Variants in SLTM observed in about 807,000 individuals in gnomAD.
The protein encoded by SLTM is SAFB-like transcription modulator.
Under a neutral mutation model 134.6 loss-of-function variants are expected in SLTM, and 43 were observed. The observed-to-expected ratio is 0.32, with a 90% CI of 0.25 to 0.41. The LOEUF (loss-of-function observed/expected upper bound fraction) is 0.41. Among genes scored for constraint, SLTM ranks in the 10% least tolerant of loss-of-function variants. The pLI, the probability that SLTM is intolerant of heterozygous loss-of-function variation, is 1.00. For synonymous variants in SLTM, 424 were observed against 432.3 expected (o/e 0.98, Z 0.24); for missense variants, 1,055 against 1,288.8 (o/e 0.82, Z 2.78).
In SLTM at chr15:58,892,944, T is replaced by C. The variant is rs752033291; in HGVS notation, c.1851A>G (p.Glu617=). 2.5e-6 allele frequency: 4 copies of C among 1,613,792 alleles called. No individual in the cohort carries two copies. Among genetic ancestry groups the C allele is most frequent in the Non-Finnish European group, 3.4e-6 (4 of 1,179,912 alleles). The change falls in exon 14 of 21, where the codon GAA becomes GAG. Residue 617 remains glutamate, a synonymous_variant. Coordinates refer to ENST00000380516, the MANE Select transcript of SLTM (RefSeq NM_024755.4). The stretch of plus-strand genomic sequence containing the variant: ...GCAGCCTTTCAAAACGAACTAAATG[T>C]TCTCTCAACCTTTGTTCCTTCATCT... ...FEKMKEQRLR[E]HLVRFERLRR... is the part of the protein sequence containing the mutation.
chr15:58,922,241 G>A (rs1176168754), intron 2 of SLTM, among the ~76,000 whole-genome samples: 1 of 151,040 alleles, frequency 6.6e-6, no homozygotes, highest in Non-Finnish European at 1.5e-5. Flanking sequence ...GCCGGGTGTG[G>A]TGACTCATGG....
chr15:58,927,301 A>T (rs529646295), intron 2 of SLTM, among the ~76,000 whole-genome samples: 7 of 152,158 alleles, frequency 4.6e-5, no homozygotes, highest in African/African-American at 1.7e-4. Flanking sequence ...AAAGATGATG[A>T]TCTTGTTGCC....
At chr15:58,890,092 A>G in intron 15 of SLTM, 189 bp downstream of exon 15, 1 of 632,810 alleles carries the variant, frequency 1.6e-6, no homozygotes, top group Non-Finnish European at 2.7e-6. Flanking sequence ...AGTTATCTAG[A>G]ACAAAGTCAC....
intron 2 of SLTM, among the ~76,000 whole-genome samples, chr15:58,924,123 A>G (rs2037298567): frequency 6.6e-6 from 1 of 152,158 alleles, no homozygotes; most frequent in South Asian, 2.1e-4. Flanking sequence ...CCTGAAGCCA[A>G]ACTTTTACGC....
chr15:58,924,873 G>GT (rs1445959449), intron 2 of SLTM, among the ~76,000 whole-genome samples: 1 of 152,132 alleles, frequency 6.6e-6, no homozygotes, highest in Non-Finnish European at 1.5e-5. Flanking sequence ...CCAGGGTGGA[G>GT]TGCAGGGGCA....
chr15:58,910,945 C>T (rs2036228334), intron 5 of SLTM, among the ~76,000 whole-genome samples: 1 of 151,868 alleles, frequency 6.6e-6, no homozygotes, highest in South Asian at 2.1e-4. Context: ...CAGGTTTCAC[C>T]ATATTGGCCA....
At chr15:58,912,661 G>T in intron 4 of SLTM, 51 bp from the exon 5 acceptor site, 1 of 1,452,468 alleles carries the variant, frequency 6.9e-7, no homozygotes, top group Non-Finnish European at 9.5e-7. Flanking sequence ...TCGGGGTAAC[G>T]TGAGAATGCT....
intron 1 of SLTM, 133 bp downstream of exon 1, chr15:58,933,271 C>T (rs2038019705): frequency 7.3e-6 from 7 of 960,196 alleles, no homozygotes; most frequent in Non-Finnish European, 9.9e-6. Flanking sequence ...CGGGAGCCGC[C>T]CCTGGCCTCC....
At chr15:58,929,093 T>G (rs2037682671) in intron 2 of SLTM, among the ~76,000 whole-genome samples, 1 of 152,134 alleles carries the variant, frequency 6.6e-6, no homozygotes. Context: ...CAAGATGAAA[T>G]TATTTTCAAT....
At position 58,879,814 on chromosome 15, in the gene SLTM, A is replaced by T; in HGVS notation, c.*185T>A. The T allele has an allele frequency of 2.9e-6, 2 of 689,498 alleles. No homozygotes were observed. Among genetic ancestry groups the T allele is most frequent in the Non-Finnish European group, 4.4e-6 (2 of 453,840 alleles). The allele number at this position is 689,498 out of a possible 1,614,324, so 42.7% of individuals were successfully genotyped here. A position where few individuals can be genotyped will look rare whatever the true frequency, so the allele number is the denominator to read the frequency against. On this transcript the variant is annotated 3_prime_UTR_variant, in exon 21 of 21. Transcript: ENST00000380516. ...AAGTTGAATGATACACAAAACTATT[A>T]AAAGTTACAACAGAACTATTTAAAC...
intron 19 of SLTM, among the ~76,000 whole-genome samples, chr15:58,886,203 C>A (rs865940600): frequency 2.1e-5 from 3 of 142,846 alleles, no homozygotes; most frequent in Non-Finnish European, 1.5e-5. Flanking sequence ...TTAAATGAAG[C>A]AGGAGAAAAA....
At chr15:58,895,938 T>G (rs1293906504) in intron 9 of SLTM, among the ~76,000 whole-genome samples, 5 of 152,198 alleles carry the variant, frequency 3.3e-5, no homozygotes, top group East Asian at 1.9e-4. Flanking sequence ...TTCAGTAATT[T>G]CAATATCTGA....
chr15:58,930,712 A>AAT (rs61356816), intron 2 of SLTM, among the ~76,000 whole-genome samples: 38 of 147,274 alleles, frequency 2.6e-4, no homozygotes, highest in East Asian at 1.0e-3. Context: ...CCTATTAAAA[A>AAT]ATATATATAT....
At chr15:58,883,600 G>A in intron 20 of SLTM, 26 bp downstream of exon 20, 2 of 1,612,772 alleles carry the variant, frequency 1.2e-6, no homozygotes, top group African/African-American at 1.3e-5. Flanking sequence ...GTTGTGTGCT[G>A]GCAGAAAAAC....
At chr15:58,890,073 A>C (rs1161604077) in intron 15 of SLTM, 1 of 594,034 alleles carries the variant, frequency 1.7e-6, no homozygotes, top group Non-Finnish European at 2.9e-6. Context: ...CAGAGCTAGA[A>C]TTATTACCAG....
At chr15:58,915,047 C>T (rs1189093983) in intron 3 of SLTM, among the ~76,000 whole-genome samples, 2 of 152,024 alleles carry the variant, frequency 1.3e-5, no homozygotes, top group Non-Finnish European at 2.9e-5. Flanking sequence ...GAAAATTAGC[C>T]GGGCCTGGTG....
chr15:58,899,675 G>A lies in SLTM; in HGVS notation c.852C>T (p.Asp284=), dbSNP rs772355301. 7 of 1,613,904 alleles carry A rather than the reference G, an allele frequency of 4.3e-6. No homozygotes were observed. The highest frequency in any genetic ancestry group is 1.6e-4 in the Middle Eastern group (1 of 6,084). The change falls in exon 7 of 21, where the codon GAC becomes GAT. Residue 284 remains aspartate, a synonymous_variant. Coordinates refer to ENST00000380516, the MANE Select transcript of SLTM (RefSeq NM_024755.4). This position sits in a 1 kb window ranked among gnomAD's most constrained non-coding sequence, Gnocchi z 5.0. ...SEASKPKDGQ[D]AIAQSPEKES... ...CCTTCTCCGGGCTCTGTGCAATGGC[G>A]TCCTGCCCATCTTTTGGCTTACTTG...
At chr15:58,916,698 G>T in intron 3 of SLTM, 1 of 370,744 alleles carries the variant, frequency 2.7e-6, no homozygotes, top group East Asian at 5.4e-5. Flanking sequence ...TAAAGGCCTG[G>T]AGAGATTATT....
At chr15:58,903,815 A>G (rs987593327) in intron 5 of SLTM, among the ~76,000 whole-genome samples, 1 of 152,186 alleles carries the variant, frequency 6.6e-6, no homozygotes, top group Non-Finnish European at 1.5e-5. Flanking sequence ...CAGAGTGACA[A>G]CCTTAGTGAA....
Sources: gnomAD v4.1 joint callset for allele counts (sites outside exome capture counted in the v4.1 genomes callset) on GRCh38, gnomAD v4.1.1 for gene constraint, Gnocchi (gnomAD v3.1) non-coding constraint, MANE v1.5 for transcripts, NCBI Gene and HGNC (gene_info 2026-07-23, HGNC 2026-07-21) for gene names.